Variants in TMEM185A observed in about 807,000 individuals in gnomAD.
TMEM185A encodes the protein transmembrane protein 185A.
TMEM185A carries 9 observed loss-of-function variants against 25.0 expected under a neutral mutation model. That is an observed-to-expected ratio of 0.36 (90% CI 0.22 to 0.63). The LOEUF is 0.63. TMEM185A is among the 20% of genes least tolerant of loss of function. TMEM185A has a pLI of 0.68. For missense variants in TMEM185A, 103 were observed against 237.4 expected, an observed-to-expected ratio of 0.43 and a Z score of 3.72; for synonymous variants, 45 against 93.5, an observed-to-expected ratio of 0.48 and a Z score of 2.99.
At chrX:149,616,571 C>T (rs1229303737) in intron 1 of TMEM185A, among the ~76,000 whole-genome samples, 2 of 112,034 alleles carry the variant, frequency 1.8e-5, no homozygotes, top group Non-Finnish European at 3.8e-5. Flanking sequence ...TTATCTCCCT[C>T]TTTTAAGGGA....
chrX:149,624,861 T>C (rs1449618976), intron 1 of TMEM185A, among the ~76,000 whole-genome samples: 4 of 112,115 alleles, frequency 3.6e-5, no homozygotes, highest in African/African-American at 1.3e-4. Context: ...ATCAGCGGTG[T>C]GGTCTTGGGT....
rs374005504 is a variant in TMEM185A at position 149,631,601 on chromosome X, C to T, written c.-21G>A. The T allele has an allele frequency of 7.8e-6, 9 of 1,153,929 alleles. No homozygotes were observed. Among genetic ancestry groups the T allele is most frequent in the East Asian group, 3.4e-5 (1 of 29,775 alleles). Reference sequence around the variant, plus strand: ...TTCATGGCGGAGAACTTCACCGCGGCGTCCTCCTCCTCCTCCCCCGCACCC... The same window carrying T: ...TTCATGGCGGAGAACTTCACCGCGGTGTCCTCCTCCTCCTCCCCCGCACCC... On this transcript the variant is annotated 5_prime_UTR_variant, in exon 1 of 7. Transcript: ENST00000600449.
intron 1 of TMEM185A, among the ~76,000 whole-genome samples, chrX:149,615,075 G>A (rs1182345728): frequency 8.9e-6 from 1 of 112,072 alleles, no homozygotes; most frequent in Non-Finnish European, 1.9e-5. Context: ...CAAAAATCCT[G>A]AAAAGATTTT....
intron 1 of TMEM185A, among the ~76,000 whole-genome samples, chrX:149,622,384 A>T (rs1398430562): frequency 8.9e-6 from 1 of 112,044 alleles, no homozygotes; most frequent in Non-Finnish European, 1.9e-5. Flanking sequence ...CATGACAGAT[A>T]AAACAGACAA....
Position 149,611,354 on chromosome X carries a change from A to G in TMEM185A, c.148T>C (p.Trp50Arg). 8.3e-7 allele frequency: 1 copy of G among 1,210,818 alleles called. No homozygotes were observed. Among genetic ancestry groups the G allele is most frequent in the Non-Finnish European group, 1.1e-6 (1 of 895,225 alleles). ...YWAVFAPIWL[W>R]KLMVIVGASV... ...GCTCCAACAATGACCATTAACTTCC[A>G]CAGCCATATTGGAGCAAAGACAGCC... The change falls in exon 2 of 7, where the codon TGG (tryptophan) becomes CGG (arginine). Residue 50 changes from tryptophan (W) to arginine (R), a missense_variant. Around this residue, in one of 2 missense-constraint regions of TMEM185A, gnomAD observed 102 missense variants for 125.7 expected, o/e 0.81. Coordinates refer to ENST00000600449, the MANE Select transcript of TMEM185A (RefSeq NM_032508.4).
At chrX:149,608,351 G>C (rs2090063316) in intron 3 of TMEM185A, 2 of 170,119 alleles carry the variant, frequency 1.2e-5, no homozygotes, top group Non-Finnish European at 2.1e-5. Flanking sequence ...TTTTTTTTAA[G>C]ACGGAGTTTC....
In TMEM185A at chrX:149,608,847, G is replaced by A; in HGVS notation, c.216-13C>T. On this transcript the variant is annotated splice_polypyrimidine_tract_variant and intron_variant, in intron 2 of 6. Coordinates refer to ENST00000600449, the MANE Select transcript of TMEM185A (RefSeq NM_032508.4). ...TTCTCCTTCTGCTCTAAAAAAGGGA[G>A]AGAAGAAGAAAACACCCTCAGTTCA... is the stretch of plus-strand genomic sequence containing the variant. 8.3e-7 allele frequency: 1 copy of A among 1,203,139 alleles called. No homozygotes were observed. Among genetic ancestry groups the A allele is most frequent in the South Asian group, 1.8e-5 (1 of 56,447 alleles).
At chrX:149,622,806 G>C (rs1049645954) in intron 1 of TMEM185A, among the ~76,000 whole-genome samples, 1 of 112,251 alleles carries the variant, frequency 8.9e-6, no homozygotes, top group African/African-American at 3.2e-5. Flanking sequence ...GGGAAGAGAA[G>C]TGGAATCTGG....
intron 3 of TMEM185A, among the ~76,000 whole-genome samples, chrX:149,604,533 A>G (rs1341930150): frequency 9.0e-6 from 1 of 111,219 alleles, no homozygotes; most frequent in Non-Finnish European, 1.9e-5. Context: ...TAGATTCCGT[A>G]CTGTATCTTT....
At chrX:149,625,402 G>A (rs2090158758) in intron 1 of TMEM185A, among the ~76,000 whole-genome samples, 1 of 112,433 alleles carries the variant, frequency 8.9e-6, no homozygotes, top group South Asian at 3.7e-4. Flanking sequence ...CAAGTAATAG[G>A]AATGATACTT....
In TMEM185A at chrX:149,631,664, C is replaced by A. The variant is rs1279290825; in HGVS notation, c.-84G>T. 11 of 941,580 alleles carry A rather than the reference C, an allele frequency of 1.2e-5. No individual in the cohort carries two copies. Among genetic ancestry groups the A allele is most frequent in the Non-Finnish European group, 1.6e-5 (11 of 703,335 alleles). The allele number at this position is 941,580 out of a possible 1,213,427, so 77.6% of individuals were successfully genotyped here. ...CCTGCGCCTTACAGCGGGTTCATGG[C>A]GCCAGCGCCAGCCGCGTCCACGCTG... On this transcript the variant is annotated 5_prime_UTR_variant, in exon 1 of 7. Coordinates refer to ENST00000600449, the MANE Select transcript of TMEM185A (RefSeq NM_032508.4).
intron 1 of TMEM185A, among the ~76,000 whole-genome samples, chrX:149,618,712 A>G (rs1226246864): frequency 8.9e-6 from 1 of 112,034 alleles, no homozygotes; most frequent in Non-Finnish European, 1.9e-5. Context: ...TTCAAAAAAT[A>G]TCTACTCTTC....
chrX:149,623,053 T>C (rs1557355651), intron 1 of TMEM185A, among the ~76,000 whole-genome samples: 2 of 112,007 alleles, frequency 1.8e-5, no homozygotes. Flanking sequence ...ACTCTTTTAG[T>C]TATTTGCAAA....
chrX:149,627,892 G>T (rs782791573), intron 1 of TMEM185A, among the ~76,000 whole-genome samples: 9 of 112,093 alleles, frequency 8.0e-5, no homozygotes, highest in Admixed American at 4.7e-4. Context: ...ACTGTTAGAG[G>T]CCAGGTAGCT....
rs373599378 is a variant in TMEM185A at position 149,611,349 on chromosome X, C to T, written c.153G>A (p.Lys51=). ...CTGAGGCTCCAACAATGACCATTAACTTCCACAGCCATATTGGAGCAAAGA... is the reference window on the plus strand; with the variant it reads ...CTGAGGCTCCAACAATGACCATTAATTTCCACAGCCATATTGGAGCAAAGA... ...WAVFAPIWLW[K]LMVIVGASVG... is the part of the protein sequence containing the mutation. Residue 51 remains lysine (K), a synonymous_variant, in exon 2 of 7, where the codon AAG becomes AAA. Transcript: ENST00000600449. 121 of 1,209,768 alleles carry T rather than the reference C, an allele frequency of 1.0e-4. No individual in the cohort carries two copies. The highest frequency in any genetic ancestry group is 1.2e-4 in the Non-Finnish European group (111 of 895,175).
At chrX:149,615,860 T>TG (rs1443097835) in intron 1 of TMEM185A, among the ~76,000 whole-genome samples, 1 of 112,069 alleles carries the variant, frequency 8.9e-6, no homozygotes, top group East Asian at 2.8e-4. Context: ...GGTAGGACTG[T>TG]GGGGAAGCTA....
At chrX:149,620,411 T>C (rs1252563228) in intron 1 of TMEM185A, among the ~76,000 whole-genome samples, 3 of 112,378 alleles carry the variant, frequency 2.7e-5, no homozygotes, top group Non-Finnish European at 5.6e-5. Flanking sequence ...CATGGAATAT[T>C]AAACTAGATG....
chrX:149,626,737 G>C (rs1557356059), intron 1 of TMEM185A, among the ~76,000 whole-genome samples: 1 of 112,144 alleles, frequency 8.9e-6, no homozygotes. Context: ...AGTGTAGCAG[G>C]GCAACAGGTG....
intron 1 of TMEM185A, among the ~76,000 whole-genome samples, chrX:149,617,341 A>T (rs782457602): frequency 1.5e-3 from 173 of 112,146 alleles, no homozygotes; most frequent in African/African-American, 5.2e-3. Context: ...GAAAACACGT[A>T]TCTGACAAAG....
Sources: allele counts gnomAD v4.1 joint callset (sites outside exome capture counted in the v4.1 genomes callset), GRCh38; gene constraint gnomAD v4.1.1; regional missense constraint gnomAD v4.1.1; transcripts MANE v1.5; gene names NCBI Gene and HGNC (gene_info 2026-07-23, HGNC 2026-07-21).